The following CSMD3 variants were observed in gnomAD, a reference collection of about 807,000 sequenced individuals.
The protein encoded by CSMD3 is CUB and sushi domain-containing protein 3.
In CSMD3, 177 loss-of-function variants were observed where a neutral mutation model predicts 435.2. The ratio of observed to expected loss-of-function variants is 0.41; its 90% CI spans 0.36 to 0.46. The LOEUF is 0.46. Ranked by LOEUF, CSMD3 falls within the 20% of genes least tolerant of loss-of-function variation. The probability of loss-of-function intolerance (pLI) is 0.34; values close to 1 mark genes in which losing one functional copy is unlikely to be tolerated. For synonymous variants in CSMD3, 1,656 were observed against 1,520.5 expected, an observed-to-expected ratio of 1.09 and a Z score of -2.07; for missense variants, 4,265 against 4,504.6, an observed-to-expected ratio of 0.95 and a Z score of 1.52.
intron 1 of CSMD3, among the ~76,000 whole-genome samples, chr8:113,393,358 A>G (rs533890025): frequency 6.6e-6 from 1 of 152,244 alleles, no homozygotes; most frequent in East Asian, 1.9e-4. Context: ...AATTCTGAAG[A>G]TATAAAAGTA....
chr8:113,066,456 A>G (rs1295787387), intron 5 of CSMD3, among the ~76,000 whole-genome samples: 1 of 152,134 alleles, frequency 6.6e-6, no homozygotes, highest in Admixed American at 6.6e-5. Flanking sequence ...TAAATGATGA[A>G]TAATTCTAAA....
intron 2 of CSMD3, among the ~76,000 whole-genome samples, chr8:113,296,938 G>A (rs1170860506): frequency 2.0e-5 from 3 of 151,940 alleles, no homozygotes; most frequent in African/African-American, 2.4e-5. Flanking sequence ...AAACACAAGC[G>A]AAAAAATAAA....
At chr8:113,428,229 T>TATC (rs1478044114) in intron 1 of CSMD3, among the ~76,000 whole-genome samples, 3 of 150,750 alleles carry the variant, frequency 2.0e-5, no homozygotes, top group African/African-American at 4.9e-5. Flanking sequence ...TCTATCTATC[T>TATC]ATCTATCTAT....
At chr8:113,001,396 C>T (rs1032404153) in intron 6 of CSMD3, among the ~76,000 whole-genome samples, 4 of 151,998 alleles carry the variant, frequency 2.6e-5, no homozygotes, top group Non-Finnish European at 4.4e-5. Flanking sequence ...AAGCTTTTTC[C>T]TCTGCAGGGC....
intron 11 of CSMD3, among the ~76,000 whole-genome samples, chr8:112,856,118 T>C (rs774348672): frequency 4.4e-4 from 67 of 151,978 alleles, no homozygotes; most frequent in Non-Finnish European, 8.4e-4. Flanking sequence ...TTTAAAGTGC[T>C]AGTCTAATAT....
At chr8:112,460,334 T>A (rs1817316556) in intron 32 of CSMD3, among the ~76,000 whole-genome samples, 1 of 152,044 alleles carries the variant, frequency 6.6e-6, no homozygotes, top group African/African-American at 2.4e-5. Flanking sequence ...TTATAGCACA[T>A]TTCTACAAAT....
At chr8:112,429,555 T>C (rs1813440520) in intron 32 of CSMD3, among the ~76,000 whole-genome samples, 3 of 152,022 alleles carry the variant, frequency 2.0e-5, no homozygotes, top group African/African-American at 7.2e-5. Context: ...CAGGACAACA[T>C]AAAGGTACAA....
At chr8:112,645,039 A>G in intron 20 of CSMD3, 70 bp downstream of exon 20, 1 of 844,042 alleles carries the variant, frequency 1.2e-6, no homozygotes. Context: ...ATGTAAAGGA[A>G]AGTGAAATAA....
In CSMD3 at chr8:112,587,233, C is replaced by A. The variant is rs1212481092; in HGVS notation, c.3718G>T (p.Glu1240Ter). ...TTATTCGTTGCAGATGCACCACATT[C>A]AGCTGCAGGTAAAACAGAATATTGA... Reference protein sequence around the residue: ...WSAPLPRCVAECGASATNNEG... With the variant: ...WSAPLPRCVA Residue 1240 changes from glutamate (E) to a stop codon, truncating the protein, a stop_gained and splice_region_variant, in exon 23 of 71, where the codon GAA becomes TAA. Coordinates refer to ENST00000297405, the MANE Select transcript of CSMD3 (RefSeq NM_198123.2). LOFTEE classifies it high-confidence loss of function. 1.2e-6 allele frequency: 2 copies of A among 1,606,508 alleles called. No individual in the cohort carries two copies. Among genetic ancestry groups the A allele is most frequent in the South Asian group, 2.2e-5 (2 of 90,922 alleles).
chr8:113,196,287 A>G (rs1588253528), intron 3 of CSMD3, among the ~76,000 whole-genome samples: 1 of 151,412 alleles, frequency 6.6e-6, no homozygotes, highest in East Asian at 1.9e-4. Context: ...TCAATTATGC[A>G]TAAAAACTCA....
In CSMD3 at chr8:112,372,606, T is replaced by C. The variant is rs191063850; in HGVS notation, c.6136+7746A>G. On this transcript the variant is annotated intron_variant, in intron 38 of 70. Transcript: ENST00000297405. ...GGCTCATGCCTGTAATCTTAGCACT[T>C]TGGGAGGCCGAGGAGGGCGGATTGC... Among the ~76,000 whole-genome samples, 506 of 152,168 alleles carry C rather than the reference T, an allele frequency of 3.3e-3. 5 individuals carry two copies. The highest frequency in any genetic ancestry group is 0.011 in the African/African-American group (466 of 41,520).
At chr8:112,549,211 T>C (rs1827457741) in intron 27 of CSMD3, among the ~76,000 whole-genome samples, 1 of 152,106 alleles carries the variant, frequency 6.6e-6, no homozygotes, top group Non-Finnish European at 1.5e-5. Context: ...TAGAAATAAC[T>C]AAAATTAAGC....
At chr8:112,418,093 G>GT (rs1168294424) in intron 32 of CSMD3, among the ~76,000 whole-genome samples, 1 of 152,076 alleles carries the variant, frequency 6.6e-6, no homozygotes, top group Admixed American at 6.6e-5. Flanking sequence ...AAATGCACAT[G>GT]TGCATCCACA....
At chr8:112,998,739 C>T (rs768744156) in intron 6 of CSMD3, among the ~76,000 whole-genome samples, 2 of 151,882 alleles carry the variant, frequency 1.3e-5, no homozygotes, top group African/African-American at 4.8e-5. Context: ...GGAGGTGGGG[C>T]CTGGTGGGAC....
intron 52 of CSMD3, among the ~76,000 whole-genome samples, chr8:112,303,950 G>A (rs1325466392): frequency 6.6e-6 from 1 of 152,016 alleles, no homozygotes; most frequent in Non-Finnish European, 1.5e-5. Flanking sequence ...TTTTCGCCTA[G>A]CATATTTCCT....
At chr8:112,683,345 C>T (rs138513308) in intron 15 of CSMD3, among the ~76,000 whole-genome samples, 140 of 152,018 alleles carry the variant, frequency 9.2e-4, no homozygotes, top group African/African-American at 3.3e-3. Context: ...AGAAATAGGG[C>T]TTCATAGGAT....
chr8:112,348,384 A>T (rs1234471778), intron 40 of CSMD3, among the ~76,000 whole-genome samples: 1 of 152,150 alleles, frequency 6.6e-6, no homozygotes, highest in Non-Finnish European at 1.5e-5. Context: ...CCTTCTTTCC[A>T]TCAAAATATC....
chr8:112,547,144 G>C (rs749843294), intron 27 of CSMD3, among the ~76,000 whole-genome samples: 17 of 152,162 alleles, frequency 1.1e-4, no homozygotes, highest in Non-Finnish European at 1.9e-4. Flanking sequence ...TCCTGATTTT[G>C]TAGGAGCATC....
At chr8:112,721,677 T>A (rs142174900) in intron 13 of CSMD3, among the ~76,000 whole-genome samples, 1 of 152,320 alleles carries the variant, frequency 6.6e-6, no homozygotes, top group African/African-American at 2.4e-5. Context: ...CTTGATGCAT[T>A]CCTGTTTTGT....
Sources: gnomAD v4.1 joint callset for allele counts (sites outside exome capture counted in the v4.1 genomes callset) on GRCh38, gnomAD v4.1.1 for gene constraint, MANE v1.5 for transcripts, NCBI Gene and HGNC (gene_info 2026-07-23, HGNC 2026-07-21) for gene names.